Variants in PBX1 observed in about 807,000 individuals in gnomAD.
PBX1 encodes PBX homeobox 1.
Under a neutral mutation model 53.4 loss-of-function variants are expected in PBX1, and 6 were observed. The ratio of observed to expected loss-of-function variants is 0.11; its 90% CI spans 0.06 to 0.22. The LOEUF is 0.22. Ranked by LOEUF, PBX1 falls within the 10% of genes least tolerant of loss-of-function variation. PBX1 has a pLI of 1.00. For missense variants in PBX1, 251 were observed against 551.4 expected, an observed-to-expected ratio of 0.46 and a Z score of 5.46; for synonymous variants, 204 against 212.3, an observed-to-expected ratio of 0.96 and a Z score of 0.34.
intron 2 of PBX1, among the ~76,000 whole-genome samples, chr1:164,583,687 A>AT (rs1654774041): frequency 6.6e-6 from 1 of 152,210 alleles, no homozygotes; most frequent in Non-Finnish European, 1.5e-5. Flanking sequence ...AGGGCTGTTA[A>AT]TTTTTAGATA....
At chr1:164,808,787 C>A (rs1669470901) in intron 5 of PBX1, among the ~76,000 whole-genome samples, 1 of 152,184 alleles carries the variant, frequency 6.6e-6, no homozygotes, top group South Asian at 2.1e-4. Context: ...GCCTTCCCAA[C>A]AAACTAAGAT....
intron 2 of PBX1, among the ~76,000 whole-genome samples, chr1:164,678,986 A>C (rs930249790): frequency 1.5e-4 from 23 of 152,230 alleles, no homozygotes; most frequent in African/African-American, 5.5e-4. Flanking sequence ...TTATCCTCAC[A>C]TAGGCAGAGG....
chr1:164,877,674 A>AG (rs1479023246), intron 2 of PBX1, among the ~76,000 whole-genome samples: 1 of 152,106 alleles, frequency 6.6e-6, no homozygotes, highest in Non-Finnish European at 1.5e-5. Flanking sequence ...AAAAAAAAAA[A>AG]GTAGTTCAAG....
intron 8 of PBX1, among the ~76,000 whole-genome samples, chr1:164,835,233 ATTTTGGT>A (rs1670974783): frequency 1.6e-5 from 2 of 127,988 alleles, no homozygotes; most frequent in African/African-American, 6.5e-5. Flanking sequence ...GCTACTTTTG[ATTTTGGT>A]TTTTTTTTTT....
At chr1:164,746,981 T>C (rs1665927116) in intron 2 of PBX1, among the ~76,000 whole-genome samples, 1 of 152,168 alleles carries the variant, frequency 6.6e-6, no homozygotes, top group African/African-American at 2.4e-5. Flanking sequence ...GGAAATTCTT[T>C]TGAAAAATCA....
chr1:164,743,801 A>C (rs1463454062), intron 2 of PBX1, among the ~76,000 whole-genome samples: 1 of 152,186 alleles, frequency 6.6e-6, no homozygotes, highest in Non-Finnish European at 1.5e-5. Flanking sequence ...GAATGGGAAT[A>C]CTTCTCAACT....
intron 2 of PBX1, among the ~76,000 whole-genome samples, chr1:164,620,310 A>G (rs1273827601): frequency 6.6e-6 from 1 of 152,226 alleles, no homozygotes; most frequent in Non-Finnish European, 1.5e-5. Flanking sequence ...TTATTCAAGC[A>G]GATTTCATAA....
intron 2 of PBX1, among the ~76,000 whole-genome samples, chr1:164,740,476 A>G (rs1350546901): frequency 6.6e-6 from 1 of 152,134 alleles, no homozygotes; most frequent in African/African-American, 2.4e-5. Context: ...AGGCCACCAT[A>G]TCAGAGTGGA....
intron 2 of PBX1, among the ~76,000 whole-genome samples, chr1:164,588,875 C>A (rs1257368165): frequency 6.6e-5 from 10 of 152,084 alleles, no homozygotes; most frequent in Non-Finnish European, 1.5e-5. Flanking sequence ...CTGAGGGAGG[C>A]TGTTTCTACC....
rs138537494 is a variant in PBX1, at chr1:164,659,416, T to A, written c.265+96105T>A. Among the ~76,000 whole-genome samples, 896 of 152,334 alleles carry A rather than the reference T, an allele frequency of 5.9e-3. 7 individuals carry two copies. Among genetic ancestry groups the A allele is most frequent in the African/African-American group, 0.021 (855 of 41,572 alleles). ...TGGGAATGTAACTCTCCTCCCTCTATATTAACAAAGCTGTAGCATATGTTT... is the reference window on the plus strand; with the variant it reads ...TGGGAATGTAACTCTCCTCCCTCTAAATTAACAAAGCTGTAGCATATGTTT... On this transcript the variant is annotated intron_variant, in intron 2 of 8. Transcript: ENST00000420696.
intron 2 of PBX1, among the ~76,000 whole-genome samples, chr1:164,567,539 A>T (rs926274708): frequency 2.4e-4 from 36 of 152,146 alleles, no homozygotes; most frequent in Admixed American, 2.6e-4. Flanking sequence ...TCTTTCAGGT[A>T]CAGTGTGTTA....
chr1:164,697,545 T>C (rs931543694), intron 2 of PBX1, among the ~76,000 whole-genome samples: 3 of 152,360 alleles, frequency 2.0e-5, no homozygotes, highest in East Asian at 3.9e-4. Flanking sequence ...AAACTGTGTT[T>C]ACCTATGTAT....
intron 2 of PBX1, among the ~76,000 whole-genome samples, chr1:164,737,630 C>T (rs1665368364): frequency 6.6e-6 from 1 of 152,064 alleles, no homozygotes; most frequent in African/African-American, 2.4e-5. Context: ...AGGTGCACAC[C>T]ACCATGCCCA....
At chr1:164,804,285 A>T (rs77454959) in intron 4 of PBX1, among the ~76,000 whole-genome samples, 3,846 of 152,286 alleles carry the variant, frequency 0.025, 161 homozygotes, top group African/African-American at 0.089. Flanking sequence ...ACATTGATAT[A>T]TTATAAAGTG....
chr1:164,844,113 TTC>T (rs143219929), intron 8 of PBX1, among the ~76,000 whole-genome samples: 12,565 of 118,402 alleles, frequency 0.11, 894 homozygotes, highest in African/African-American at 0.25. Context: ...CTTTCTTTCT[TTC>T]TTTTTTTTTT....
chr1:164,771,132 T>C (rs1667347659), intron 2 of PBX1: 1 of 152,178 alleles, frequency 6.6e-6, no homozygotes, highest in Non-Finnish European at 1.5e-5. Flanking sequence ...CAGTGTTTAT[T>C]GCTTTTTTCT....
chr1:164,613,297 C>T (rs760596046), intron 2 of PBX1, among the ~76,000 whole-genome samples: 1 of 152,128 alleles, frequency 6.6e-6, no homozygotes, highest in African/African-American at 2.4e-5. Context: ...TACGGAAAAC[C>T]TTTCTGGACT....
intron 2 of PBX1, among the ~76,000 whole-genome samples, chr1:164,698,816 T>C (rs1386502153): frequency 1.2e-4 from 18 of 152,200 alleles, no homozygotes; most frequent in Non-Finnish European, 2.6e-4. Context: ...CTAAATACTC[T>C]CAAGCATTCA....
intron 2 of PBX1, among the ~76,000 whole-genome samples, chr1:164,736,334 G>A (rs191745198): frequency 2.6e-5 from 4 of 152,212 alleles, no homozygotes; most frequent in East Asian, 3.9e-4. Flanking sequence ...TTTTGAGCTC[G>A]GGGGAACCAC....
Sources: allele counts gnomAD v4.1 joint callset (sites outside exome capture counted in the v4.1 genomes callset), GRCh38; gene constraint gnomAD v4.1.1; transcripts MANE v1.5; gene names NCBI Gene and HGNC (gene_info 2026-07-23, HGNC 2026-07-21).